Variants in COL9A3 observed in about 807,000 individuals in gnomAD.
COL9A3 encodes collagen type IX alpha 3 chain.
A neutral mutation model predicts 110.2 loss-of-function variants in COL9A3; 82 were observed. The ratio of observed to expected loss-of-function variants is 0.74; its 90% CI spans 0.62 to 0.89. The LOEUF (loss-of-function observed/expected upper bound fraction) is 0.89, where lower values mean the gene tolerates loss of function less well. Among genes scored for constraint, COL9A3 ranks in the 40% least tolerant of loss-of-function variants. COL9A3 has a pLI of 0.00. For synonymous variants in COL9A3, 494 were observed against 403.8 expected (o/e 1.22, Z -2.68); for missense variants, 1,066 against 981.3 (o/e 1.09, Z -1.15).
intron 2 of COL9A3, chr20:62,817,877 T>TCCC: frequency 3.1e-6 from 2 of 649,494 alleles, no homozygotes; most frequent in Non-Finnish European, 5.8e-6. Context: ...GAGGTGTGTG[T>TCCC]CTCTGGGTCC....
intron 9 of COL9A3, 58 bp from the exon 10 acceptor site, chr20:62,822,533 G>A: frequency 7.6e-7 from 1 of 1,310,924 alleles, no homozygotes. Flanking sequence ...GGGTGGGTTG[G>A]GTGGCTGCAG....
intron 3 of COL9A3, 123 bp downstream of exon 3, chr20:62,818,676 C>T (rs1991017105): frequency 9.9e-7 from 1 of 1,006,718 alleles, no homozygotes; most frequent in Non-Finnish European, 1.6e-6. Flanking sequence ...TGAGGGGAGG[C>T]CTCAGAGGGC....
At position 62,836,259 on chromosome 20, in the gene COL9A3, C is replaced by T. The variant is rs1375664626; in HGVS notation, c.1474C>T (p.Pro492Ser). The change falls in exon 28 of 32, where the codon CCC becomes TCC. Residue 492 changes from proline to serine, a missense_variant. By Grantham distance (74) the Pro-to-Ser change is moderately conservative (BLOSUM62 -1). Coordinates refer to ENST00000649368, the MANE Select transcript of COL9A3 (RefSeq NM_001853.4). ...CGGCACCAGCGGTGTTCAGGGTGTC[C>T]CCGGGCCCCCCGGTCCTCTGGGCCT... Reference protein sequence around the residue: ...PNGTSGVQGVPGPPGPLGLQG... With the variant: ...PNGTSGVQGVSGPPGPLGLQG... The T allele has an allele frequency of 1.9e-6, 3 of 1,613,640 alleles. No homozygotes were observed. The highest frequency in any genetic ancestry group is 2.2e-5 in the East Asian group (1 of 44,904).
chr20:62,838,858 T>C (rs1313706897), intron 31 of COL9A3, 97 bp downstream of exon 31: 3 of 959,136 alleles, frequency 3.1e-6, no homozygotes, highest in East Asian at 2.6e-5. Context: ...ATGGGTCTCT[T>C]TTCCTCTTCT....
chr20:62,823,229 G>A (rs2063524771), intron 10 of COL9A3, among the ~76,000 whole-genome samples: 1 of 152,158 alleles, frequency 6.6e-6, no homozygotes, highest in Admixed American at 6.5e-5. Context: ...CTAGCTACTT[G>A]GATGGCTGTG....
chr20:62,840,878 C>G lies in COL9A3; in HGVS notation c.*146C>G. On this transcript the variant is annotated 3_prime_UTR_variant, in exon 32 of 32. Coordinates refer to ENST00000649368, the MANE Select transcript of COL9A3 (RefSeq NM_001853.4). ...CCGCCGACTGGACGCGCGGGCCTTG[C>G]CAGCGAGCACCCTCATCGGGCTGTC... The G allele has an allele frequency of 1.2e-6, 1 of 827,784 alleles. No homozygotes were observed. Among genetic ancestry groups the G allele is most frequent in the Non-Finnish European group, 2.0e-6 (1 of 507,890 alleles). The allele number at this position is 827,784 out of a possible 1,614,324, so 51.3% of individuals were successfully genotyped here. A position where few individuals can be genotyped will look rare whatever the true frequency, so the allele number is the denominator to read the frequency against.
At chr20:62,828,379 A>C (rs2147213406) in intron 17 of COL9A3, among the ~76,000 whole-genome samples, 1 of 152,312 alleles carries the variant, frequency 6.6e-6, no homozygotes, top group African/African-American at 2.4e-5. Context: ...GTCTTGGGAC[A>C]CCCAGCAGTT....
intron 1 of COL9A3, 39 bp from the exon 2 acceptor site, chr20:62,817,528 G>A (rs1214896808): frequency 6.9e-7 from 1 of 1,442,514 alleles, no homozygotes; most frequent in Non-Finnish European, 9.5e-7. Context: ...CAGGCCCACG[G>A]GGGCACCTGC....
intron 25 of COL9A3, chr20:62,832,771 G>A (rs73918819): frequency 2.5e-4 from 117 of 475,548 alleles, no homozygotes; most frequent in African/African-American, 6.9e-4. Context: ...CCCCACCGCA[G>A]GTTCTGCTTG....
intron 4 of COL9A3, 106 bp downstream of exon 4, chr20:62,819,399 GC>G: frequency 8.9e-7 from 1 of 1,125,126 alleles, no homozygotes; most frequent in Non-Finnish European, 1.3e-6. Flanking sequence ...CAGGCGGGAA[GC>G]CCAGTCCTGA....
chr20:62,832,300 C>A, intron 25 of COL9A3, 111 bp downstream of exon 25: 2 of 1,048,942 alleles, frequency 1.9e-6, no homozygotes. Context: ...GACACTGAGC[C>A]TCCTTTCTCC....
chr20:62,836,700 C>T (rs899820245), intron 29 of COL9A3, 168 bp downstream of exon 29: 2 of 745,458 alleles, frequency 2.7e-6, no homozygotes, highest in Admixed American at 2.8e-5. Context: ...TTGGCGTCTG[C>T]CTGTCCTCTG....
In COL9A3 at chr20:62,827,360, G is replaced by A. The variant is rs1054593198; in HGVS notation, c.846+66G>A. 75 of 1,528,386 alleles carry A rather than the reference G, an allele frequency of 4.9e-5. 1 individual carries two copies. The highest frequency in any genetic ancestry group is 4.2e-4 in the South Asian group (37 of 88,256). 94.7% of individuals were successfully genotyped at this position (1,528,386 alleles called of 1,614,324 possible). On this transcript the variant is annotated intron_variant, in intron 16 of 31. Transcript: ENST00000649368. ...AAGAACCCAATTTCCCTCCTGACTCGTGCTGGGGAGGGGGACACACTTGGG... is the reference window on the plus strand; with the variant it reads ...AAGAACCCAATTTCCCTCCTGACTCATGCTGGGGAGGGGGACACACTTGGG...
chr20:62,835,870 C>CACCCACCCAACA (rs1478533961), intron 26 of COL9A3, 51 bp from the exon 27 acceptor site: 1 of 1,603,172 alleles, frequency 6.2e-7, no homozygotes, highest in African/African-American at 1.3e-5. Flanking sequence ...GGCTACTTCC[C>CACCCACCCAACA]ACCCACCCAA....
Position 62,840,375 on chromosome 20 carries a change from G to A in COL9A3, c.1865-167G>A, listed in dbSNP as rs563984874. The stretch of plus-strand genomic sequence containing the variant: ...CCGGACACTCCCGACCGCCAGCCCC[G>A]CGGAGAGCCTTTGTGTGCCGTTCCC... On this transcript the variant is annotated intron_variant, in intron 31 of 31. Coordinates refer to ENST00000649368, the MANE Select transcript of COL9A3 (RefSeq NM_001853.4). 2.3e-5 allele frequency among the ~76,000 whole-genome samples: 3 copies of A among 132,202 alleles called. No individual in the cohort carries two copies. In the South Asian group the frequency reaches 6.6e-4, roughly 29 times the overall value. 86.7% of individuals were successfully genotyped at this position (132,202 alleles called of 152,430 possible).
At position 62,840,748 on chromosome 20, in the gene COL9A3, A is replaced by C; in HGVS notation, c.*16A>C. Reference sequence around the variant, plus strand: ...AAGCTCATAAAATTCAACGTGAGGAAGCAAGTGACAAGGACGCCCGAAGCA... The same window carrying C: ...AAGCTCATAAAATTCAACGTGAGGACGCAAGTGACAAGGACGCCCGAAGCA... On this transcript the variant is annotated 3_prime_UTR_variant, in exon 32 of 32. Transcript: ENST00000649368. 1.3e-6 allele frequency: 2 copies of C among 1,556,200 alleles called. No homozygotes were observed. Among genetic ancestry groups the C allele is most frequent in the Non-Finnish European group, 1.7e-6 (2 of 1,149,212 alleles).
rs200624549 is a variant in COL9A3 at position 62,836,580 on chromosome 20, G to A, written c.1603+48G>A. ...CTGCAGCGGGGCCCATCCCCGCCTG[G>A]GGGTCCCGTGCCTGGGGCTACACAG... On this transcript the variant is annotated intron_variant, in intron 29 of 31. Transcript: ENST00000649368. The A allele has an allele frequency of 6.5e-4, 1,007 of 1,554,592 alleles. 8 individuals are homozygous for A. In the African/African-American group the frequency reaches 0.012, roughly 18 times the overall value.
chr20:62,825,802 T>C lies in COL9A3; in HGVS notation c.631-15T>C. Reference sequence around the variant, plus strand: ...CCAGACTGGGCCGCTGACCACCCTATCCCCTCTGTTTCAGGGTGACCCTGG... The same window carrying C: ...CCAGACTGGGCCGCTGACCACCCTACCCCCTCTGTTTCAGGGTGACCCTGG... On this transcript the variant is annotated splice_polypyrimidine_tract_variant and intron_variant, in intron 12 of 31. Coordinates refer to ENST00000649368, the MANE Select transcript of COL9A3 (RefSeq NM_001853.4). 5 of 1,551,924 alleles carry C rather than the reference T, an allele frequency of 3.2e-6. No individual in the cohort carries two copies. Among genetic ancestry groups the C allele is most frequent in the Non-Finnish European group, 4.4e-6 (5 of 1,147,488 alleles).
chr20:62,825,432 C>T (rs749415526), intron 12 of COL9A3: 18 of 361,372 alleles, frequency 5.0e-5, no homozygotes, highest in Admixed American at 2.6e-4. Context: ...GGTCGCTGTC[C>T]GTGGAGGGTG....
Sources: gnomAD v4.1 joint callset for allele counts (sites outside exome capture counted in the v4.1 genomes callset) on GRCh38, gnomAD v4.1.1 for gene constraint, MANE v1.5 for transcripts, NCBI Gene and HGNC (gene_info 2026-07-23, HGNC 2026-07-21) for gene names.